Variants in RAB6B observed in about 807,000 individuals in gnomAD.
The protein encoded by RAB6B is ras-related protein Rab-6B.
Under a neutral mutation model 31.2 loss-of-function variants are expected in RAB6B, and 7 were observed. The ratio of observed to expected loss-of-function variants is 0.22; its 90% CI spans 0.13 to 0.42. The LOEUF is 0.42. Among genes scored for constraint, RAB6B ranks in the 10% least tolerant of loss-of-function variants. RAB6B has a pLI of 1.00. For missense variants in RAB6B, 149 were observed against 280.6 expected (o/e 0.53, Z 3.35); for synonymous variants, 105 against 104.9 (o/e 1.00, Z -0.01).
chr3:133,864,736 A>C, intron 1 of RAB6B, 94 bp from the exon 2 acceptor site: 2 of 1,255,350 alleles, frequency 1.6e-6, no homozygotes, highest in Non-Finnish European at 2.3e-6. Flanking sequence ...ACAAAACCAA[A>C]AAGCACAGGG....
chr3:133,888,938 G>A (rs1481801706), intron 1 of RAB6B, among the ~76,000 whole-genome samples: 1 of 152,150 alleles, frequency 6.6e-6, no homozygotes, highest in Non-Finnish European at 1.5e-5. Flanking sequence ...GTCCATTTCA[G>A]GGCGTGTCTG....
chr3:133,841,727 G>C (rs912413013), intron 2 of RAB6B, 64 bp from the exon 3 acceptor site: 17 of 1,546,876 alleles, frequency 1.1e-5, no homozygotes, highest in Non-Finnish European at 8.9e-7. Context: ...CAAAAGCCTA[G>C]CGACCACAGG....
intron 1 of RAB6B, among the ~76,000 whole-genome samples, chr3:133,872,498 C>T (rs971689609): frequency 6.6e-6 from 1 of 152,210 alleles, no homozygotes; most frequent in African/African-American, 2.4e-5. Context: ...GTTAGAGACA[C>T]CAGCTATATC....
Position 133,895,711 on chromosome 3 carries a change from GGCACTGGCTGCGGT to G in RAB6B, c.-259_-246del, listed in dbSNP as rs545844613. On this transcript the variant is annotated 5_prime_UTR_variant, in exon 1 of 8. Transcript: ENST00000285208. ...AGGCTGGGGCTGGGCTGCTGCGGTC[GGCACTGGCTGCGGT>G]GCGAGGGGCGCGCTCTTTACGCCCG... 25 of 517,260 alleles carry G rather than the reference GGCACTGGCTGCGGT, an allele frequency of 4.8e-5. No homozygotes were observed. In the East Asian group the frequency reaches 8.3e-4, roughly 17 times the overall value. The allele number at this position is 517,260 out of a possible 1,614,324, so 32.0% of individuals were successfully genotyped here. A position where few individuals can be genotyped will look rare whatever the true frequency, so the allele number is the denominator to read the frequency against.
At chr3:133,844,500 C>T (rs1935880727) in intron 2 of RAB6B, among the ~76,000 whole-genome samples, 1 of 152,238 alleles carries the variant, frequency 6.6e-6, no homozygotes, top group Non-Finnish European at 1.5e-5. Context: ...ACTGAGCCCT[C>T]AGCTCTGCTC....
intron 2 of RAB6B, among the ~76,000 whole-genome samples, chr3:133,855,997 T>C (rs1936071015): frequency 6.6e-6 from 1 of 152,056 alleles, no homozygotes; most frequent in Non-Finnish European, 1.5e-5. Context: ...CTGCCTTGAA[T>C]GTGGATGTGA....
rs957059247 is a variant in RAB6B at position 133,893,462 on chromosome 3, G to C, written c.70+1935C>G. 2.6e-5 allele frequency among the ~76,000 whole-genome samples: 4 copies of C among 152,224 alleles called. No homozygotes were observed. The East Asian group carries it at 7.7e-4, about 29-fold the overall frequency. The stretch of plus-strand genomic sequence containing the variant: ...CATTTCTGTGATTTTGGGAGCAAAG[G>C]GGGTCTGTGGAGCCCAGCAGGGGCC... On this transcript the variant is annotated intron_variant, in intron 1 of 7. Transcript: ENST00000285208.
intron 2 of RAB6B, among the ~76,000 whole-genome samples, chr3:133,844,870 G>A (rs535138003): frequency 6.6e-6 from 1 of 152,034 alleles, no homozygotes; most frequent in Non-Finnish European, 1.5e-5. Flanking sequence ...TGAGGCTGGT[G>A]GGGCTGAGGA....
At chr3:133,882,178 TGACCCCCTCACA>T (rs1390964368) in intron 1 of RAB6B, among the ~76,000 whole-genome samples, 1 of 152,212 alleles carries the variant, frequency 6.6e-6, no homozygotes, top group South Asian at 2.1e-4. Flanking sequence ...CCTTGCCACG[TGACCCCCTCACA>T]GGCCCTCTCT....
intron 7 of RAB6B, among the ~76,000 whole-genome samples, chr3:133,830,132 CCTG>C (rs1189238948): frequency 1.3e-5 from 2 of 152,230 alleles, no homozygotes; most frequent in Non-Finnish European, 2.9e-5. Flanking sequence ...CCAGGAATGC[CCTG>C]CTGTTTCTCT....
chr3:133,862,069 C>T (rs1936167940), intron 2 of RAB6B, among the ~76,000 whole-genome samples: 1 of 151,980 alleles, frequency 6.6e-6, no homozygotes, highest in African/African-American at 2.4e-5. Context: ...GAGCCCTGGT[C>T]TCCCAGCCTA....
chr3:133,846,677 A>G (rs1935912459), intron 2 of RAB6B, among the ~76,000 whole-genome samples: 2 of 152,248 alleles, frequency 1.3e-5, no homozygotes, highest in African/African-American at 4.8e-5. Context: ...GAAAACCGTA[A>G]TAGCAGCCAG....
intron 6 of RAB6B, 64 bp from the exon 7 acceptor site, chr3:133,834,705 A>T: frequency 6.9e-7 from 1 of 1,446,946 alleles, no homozygotes; most frequent in Non-Finnish European, 9.7e-7. Context: ...TCCTCACTGC[A>T]CCTGCACCCT....
intron 1 of RAB6B, among the ~76,000 whole-genome samples, chr3:133,870,320 T>C (rs1936300430): frequency 1.3e-5 from 2 of 152,106 alleles, no homozygotes; most frequent in African/African-American, 4.8e-5. Flanking sequence ...GCCCCCATGA[T>C]CCAATCACCT....
rs549460853 is a variant in RAB6B at position 133,875,161 on chromosome 3, T to G, written c.71-10519A>C. Among the ~76,000 whole-genome samples the G allele has an allele frequency of 2.0e-5, 3 of 152,376 alleles. No individual in the cohort carries two copies. The South Asian group carries it at 6.2e-4, about 32-fold the overall frequency. ...AATCTTATGGGACAACCTTCATACA[T>G]GCGGTCTGTCGTTAACCAAAACATT... On this transcript the variant is annotated intron_variant, in intron 1 of 7. Coordinates refer to ENST00000285208, the MANE Select transcript of RAB6B (RefSeq NM_016577.4).
intron 4 of RAB6B, among the ~76,000 whole-genome samples, chr3:133,839,975 C>T (rs867563758): frequency 2.6e-5 from 4 of 151,490 alleles, no homozygotes; most frequent in Non-Finnish European, 5.9e-5. Context: ...CTGGGTCACA[C>T]GTGTGTGTGC....
rs191335092 is a variant in RAB6B at position 133,868,192 on chromosome 3, G to A, written c.71-3550C>T. Among the ~76,000 whole-genome samples the A allele has an allele frequency of 3.0e-4, 45 of 152,276 alleles. No homozygotes were observed. In the East Asian group the frequency reaches 6.0e-3, roughly 20 times the overall value. On this transcript the variant is annotated intron_variant, in intron 1 of 7. Coordinates refer to ENST00000285208, the MANE Select transcript of RAB6B (RefSeq NM_016577.4). ...CTAAATGGCAAAGACCCCTTCCTCA[G>A]CCCACACCTGCCCTCAACAACTGCC...
intron 1 of RAB6B, among the ~76,000 whole-genome samples, chr3:133,892,537 T>G (rs1435572178): frequency 6.6e-6 from 1 of 152,178 alleles, no homozygotes; most frequent in African/African-American, 2.4e-5. Flanking sequence ...CACGCCACTC[T>G]TCTTGGGAAT....
intron 2 of RAB6B, among the ~76,000 whole-genome samples, chr3:133,858,346 T>G (rs1936111259): frequency 6.6e-6 from 1 of 152,252 alleles, no homozygotes; most frequent in South Asian, 2.1e-4. Flanking sequence ...AATATAATTC[T>G]TAACATGTTT....
Sources: allele counts gnomAD v4.1 joint callset (sites outside exome capture counted in the v4.1 genomes callset), GRCh38; gene constraint gnomAD v4.1.1; transcripts MANE v1.5; gene names NCBI Gene and HGNC (gene_info 2026-07-23, HGNC 2026-07-21).